The following RCAN2 variants were observed in gnomAD, a reference collection of about 807,000 sequenced individuals.
RCAN2 encodes the protein regulator of calcineurin 2.
A neutral mutation model predicts 23.6 loss-of-function variants in RCAN2; 9 were observed. The ratio of observed to expected loss-of-function variants is 0.38; its 90% CI spans 0.23 to 0.67. RCAN2 has a LOEUF of 0.67. Ranked by LOEUF, RCAN2 falls within the 30% of genes least tolerant of loss-of-function variation. The probability of loss-of-function intolerance (pLI) is 0.51; values close to 1 mark genes in which losing one functional copy is unlikely to be tolerated. For missense variants in RCAN2, 273 were observed against 302.3 expected (o/e 0.90, Z 0.72); for synonymous variants, 109 against 115.7 (o/e 0.94, Z 0.37).
chr6:46,368,202 G>T (rs1265934708), intron 2 of RCAN2, among the ~76,000 whole-genome samples: 1 of 152,172 alleles, frequency 6.6e-6, no homozygotes, highest in Non-Finnish European at 1.5e-5. Context: ...AAAACAGGCA[G>T]TTGGCCAGAG....
Position 46,223,208 on chromosome 6 carries a change from T to C in RCAN2, c.665A>G (p.Lys222Arg), listed in dbSNP as rs757163638. 1 of 1,613,954 alleles carries C rather than the reference T, an allele frequency of 6.2e-7. No individual in the cohort carries two copies. Among genetic ancestry groups the C allele is most frequent in the East Asian group, 2.2e-5 (1 of 44,870 alleles). The change falls in exon 5 of 5, where the codon AAG (lysine) becomes AGG (arginine). Residue 222 changes from lysine (K) to arginine (R), a missense_variant. Physicochemically the swap from Lys to Arg is conservative, Grantham distance 26 (BLOSUM62 2). Transcript: ENST00000371374. ...GATGATTTTTGGCTTTGGGGAAGTC[T>C]TTGGGTCCTCTTCTTCCTCTATGTC... ...DSDIEEEEDP[K>R]TSPKPKIIQT...
chr6:46,382,275 C>A (rs1277782516), intron 2 of RCAN2, among the ~76,000 whole-genome samples: 2 of 152,246 alleles, frequency 1.3e-5, no homozygotes, highest in East Asian at 1.9e-4. Context: ...AAATTATATT[C>A]TTTGTTAGGT....
intron 2 of RCAN2, among the ~76,000 whole-genome samples, chr6:46,380,130 T>C (rs1307112930): frequency 6.6e-6 from 1 of 152,206 alleles, no homozygotes; most frequent in Non-Finnish European, 1.5e-5. Flanking sequence ...TTAGATATGC[T>C]TTAGATCTCA....
chr6:46,475,780 C>CA (rs1161873557), intron 1 of RCAN2, among the ~76,000 whole-genome samples: 1 of 152,022 alleles, frequency 6.6e-6, no homozygotes, highest in Non-Finnish European at 1.5e-5. Flanking sequence ...TTTATTCATT[C>CA]AAAAAACAAT....
chr6:46,227,337 C>G (rs868800974), intron 4 of RCAN2, among the ~76,000 whole-genome samples: 3 of 151,702 alleles, frequency 2.0e-5, no homozygotes, highest in Non-Finnish European at 3.0e-5. Flanking sequence ...TTTTCTATTA[C>G]TGGAATAATT....
At chr6:46,265,336 T>C (rs1018270939) in intron 2 of RCAN2, among the ~76,000 whole-genome samples, 3 of 152,168 alleles carry the variant, frequency 2.0e-5, no homozygotes, top group Admixed American at 6.6e-5. Flanking sequence ...GATTGTTGAA[T>C]ATAGGCATCG....
At chr6:46,447,028 T>C (rs1245271579) in intron 2 of RCAN2, among the ~76,000 whole-genome samples, 10 of 151,922 alleles carry the variant, frequency 6.6e-5, no homozygotes, top group Non-Finnish European at 1.5e-4. Flanking sequence ...AATTTTCCAA[T>C]CAAAAGACAA....
Position 46,232,345 on chromosome 6 carries a change from T to C in RCAN2, c.572-9044A>G, listed in dbSNP as rs574029110. On this transcript the variant is annotated intron_variant, in intron 4 of 4. Coordinates refer to ENST00000371374, the MANE Select transcript of RCAN2 (RefSeq NM_001251974.2). ...TCCATGTCCCCGGGTAAACAGATAATCTGCAGACATTGCTAAGGAGAGAAA... is the reference window on the plus strand; with the variant it reads ...TCCATGTCCCCGGGTAAACAGATAACCTGCAGACATTGCTAAGGAGAGAAA... Among the ~76,000 whole-genome samples, 83 of 152,316 alleles carry C rather than the reference T, an allele frequency of 5.4e-4. 1 individual carries two copies. The highest frequency in any genetic ancestry group is 1.1e-3 in the Non-Finnish European group (76 of 68,032).
intron 1 of RCAN2, among the ~76,000 whole-genome samples, chr6:46,458,904 T>C (rs1361290069): frequency 6.6e-6 from 1 of 151,756 alleles, no homozygotes. Flanking sequence ...CACGTGTGTG[T>C]GTGTGTGATG....
intron 2 of RCAN2, among the ~76,000 whole-genome samples, chr6:46,396,375 A>G (rs1337993056): frequency 6.6e-6 from 1 of 152,206 alleles, no homozygotes; most frequent in Non-Finnish European, 1.5e-5. Flanking sequence ...TAGCTGCGAG[A>G]ATACCACACA....
chr6:46,474,818 G>A lies in RCAN2; in HGVS notation c.-3+16355C>T, dbSNP rs187651153. Reference sequence around the variant, plus strand: ...AAAGATAAATTGAACACAATTGGGGGTGAGTAGCTGGGAAAGAAACATAAG... The same window carrying A: ...AAAGATAAATTGAACACAATTGGGGATGAGTAGCTGGGAAAGAAACATAAG... On this transcript the variant is annotated intron_variant, in intron 1 of 4. Coordinates refer to ENST00000371374, the MANE Select transcript of RCAN2 (RefSeq NM_001251974.2). 2.7e-3 allele frequency among the ~76,000 whole-genome samples: 404 copies of A among 152,308 alleles called. 1 individual carries two copies. Among genetic ancestry groups the A allele is most frequent in the Non-Finnish European group, 4.0e-3 (269 of 68,032 alleles).
intron 2 of RCAN2, among the ~76,000 whole-genome samples, chr6:46,297,700 A>T (rs1236888461): frequency 1.3e-5 from 2 of 152,098 alleles, no homozygotes; most frequent in Non-Finnish European, 2.9e-5. Context: ...TAGGAGTAAC[A>T]CTCTGCAATT....
intron 1 of RCAN2, among the ~76,000 whole-genome samples, chr6:46,457,569 AG>A (rs2150433270): frequency 6.6e-6 from 1 of 152,344 alleles, no homozygotes; most frequent in South Asian, 2.1e-4. Flanking sequence ...TATTTAAGAA[AG>A]TATGATCTAC....
intron 2 of RCAN2, among the ~76,000 whole-genome samples, chr6:46,402,939 C>A (rs1029879992): frequency 1.1e-4 from 17 of 152,184 alleles, no homozygotes; most frequent in Non-Finnish European, 2.5e-4. Flanking sequence ...CTACAACACA[C>A]ATACTAGGTT....
intron 1 of RCAN2, among the ~76,000 whole-genome samples, chr6:46,461,118 TACTATCCAGAGA>T: frequency 6.6e-6 from 1 of 152,304 alleles, no homozygotes; most frequent in East Asian, 1.9e-4. Flanking sequence ...ACCATAATCC[TACTATCCAGAGA>T]AAACTCCTGC....
intron 2 of RCAN2, among the ~76,000 whole-genome samples, chr6:46,268,317 G>C (rs1767409327): frequency 6.6e-6 from 1 of 152,102 alleles, no homozygotes; most frequent in Non-Finnish European, 1.5e-5. Context: ...GAACTTCCAG[G>C]TTCCTAATTC....
intron 2 of RCAN2, among the ~76,000 whole-genome samples, chr6:46,319,599 G>GA (rs1381458110): frequency 3.9e-5 from 6 of 152,178 alleles, no homozygotes; most frequent in Non-Finnish European, 7.4e-5. Flanking sequence ...ATCTGCCTCT[G>GA]AACCTTCTCA....
At chr6:46,361,927 A>G (rs1014908841) in intron 2 of RCAN2, among the ~76,000 whole-genome samples, 1 of 152,228 alleles carries the variant, frequency 6.6e-6, no homozygotes, top group Non-Finnish European at 1.5e-5. Context: ...TCAAACATCT[A>G]TCATCATGGT....
intron 2 of RCAN2, among the ~76,000 whole-genome samples, chr6:46,254,524 G>A (rs1366226020): frequency 6.6e-6 from 1 of 152,194 alleles, no homozygotes; most frequent in Non-Finnish European, 1.5e-5. Context: ...ATTACAGATG[G>A]AGGAGTGAAG....
Sources: gnomAD v4.1 joint callset for allele counts (sites outside exome capture counted in the v4.1 genomes callset) on GRCh38, gnomAD v4.1.1 for gene constraint, MANE v1.5 for transcripts, NCBI Gene and HGNC (gene_info 2026-07-23, HGNC 2026-07-21) for gene names.